TDP1: variants seen among roughly 807,000 people sequenced by gnomAD.
The protein encoded by TDP1 is tyr-DNA phosphodiesterase 1.
TDP1 carries 64 observed loss-of-function variants against 81.5 expected under a neutral mutation model. The observed-to-expected ratio is 0.79, with a 90% CI of 0.64 to 0.97. TDP1 has a LOEUF of 0.97. TDP1 is among the 50% of genes least tolerant of loss of function. TDP1 has a pLI of 0.00. For missense variants in TDP1, 723 were observed against 743.8 expected (o/e 0.97, Z 0.33); for synonymous variants, 256 against 264.3 (o/e 0.97, Z 0.30).
At chr14:90,014,961 C>T (rs1005366748) in intron 14 of TDP1, among the ~76,000 whole-genome samples, 6 of 152,194 alleles carry the variant, frequency 3.9e-5, no homozygotes, top group Non-Finnish European at 7.3e-5. Flanking sequence ...AACAAGTACT[C>T]CACTCCCCAG....
chr14:89,971,039 T>C, intron 5 of TDP1, 136 bp from the exon 6 acceptor site: 1 of 705,926 alleles, frequency 1.4e-6, no homozygotes, highest in Non-Finnish European at 2.5e-6. Context: ...TTTCACCATG[T>C]TGGCCAGTCT....
chr14:89,955,117 AC>A (rs1457677298), upstream of TDP1: 1 of 159,396 alleles, frequency 6.3e-6, no homozygotes, highest in African/African-American at 2.4e-5. Context: ...AACAAGAAGA[AC>A]CAAACGAAAA....
chr14:90,017,621 C>T (rs1885468251), intron 14 of TDP1, among the ~76,000 whole-genome samples: 1 of 152,152 alleles, frequency 6.6e-6, no homozygotes, highest in Non-Finnish European at 1.5e-5. Flanking sequence ...TACCTCCCGT[C>T]TTTGTTGTCA....
At chr14:90,003,658 C>T (rs955552989) in intron 14 of TDP1, among the ~76,000 whole-genome samples, 2 of 152,134 alleles carry the variant, frequency 1.3e-5, no homozygotes, top group African/African-American at 4.8e-5. Flanking sequence ...TGTGGGTGGT[C>T]AGAAGCAAGG....
intron 6 of TDP1, among the ~76,000 whole-genome samples, chr14:89,975,107 G>T (rs368248669): frequency 6.6e-6 from 1 of 152,090 alleles, no homozygotes; most frequent in Non-Finnish European, 1.5e-5. Context: ...ACGGAGTCTC[G>T]CTCTGTCACC....
chr14:90,015,943 C>T (rs1216991709), intron 14 of TDP1, among the ~76,000 whole-genome samples: 1 of 152,194 alleles, frequency 6.6e-6, no homozygotes, highest in Non-Finnish European at 1.5e-5. Context: ...TACCCTCAAC[C>T]ACAATTTCCA....
chr14:90,020,592 C>T (rs1353036564), intron 15 of TDP1, among the ~76,000 whole-genome samples: 10 of 29,330 alleles, frequency 3.4e-4, no homozygotes, highest in African/African-American at 1.8e-3. Context: ...CCCTCCCTCC[C>T]TCCCTCCCTC....
chr14:90,016,904 T>G (rs1385799624), intron 14 of TDP1, among the ~76,000 whole-genome samples: 1 of 152,032 alleles, frequency 6.6e-6, no homozygotes, highest in Non-Finnish European at 1.5e-5. Context: ...CTAAAGTAAA[T>G]TAAATACCCC....
chr14:90,019,245 C>G, intron 14 of TDP1, 71 bp from the exon 15 acceptor site: 3 of 1,311,454 alleles, frequency 2.3e-6, no homozygotes, highest in South Asian at 1.2e-5. Flanking sequence ...GGTGCTCTTG[C>G]AGCTGTGGAA....
chr14:89,989,520 A>G (rs962245945), intron 11 of TDP1, 197 bp from the exon 12 acceptor site: 1 of 782,280 alleles, frequency 1.3e-6, no homozygotes, highest in Non-Finnish European at 1.6e-6. Context: ...TTGAAGTATA[A>G]TTTTACATCA....
chr14:89,980,674 A>G (rs1414499602), intron 8 of TDP1, 42 bp downstream of exon 8: 22 of 1,495,446 alleles, frequency 1.5e-5, no homozygotes, highest in Non-Finnish European at 1.8e-5. Context: ...GTGTGTGTTG[A>G]TAAAGGTCAA....
In TDP1 at chr14:89,961,074, C is replaced by T. The variant is rs59468407; in HGVS notation, c.-7-2034C>T. 6.2e-3 allele frequency among the ~76,000 whole-genome samples: 943 copies of T among 152,266 alleles called. 11 individuals are homozygous for T. The highest frequency in any genetic ancestry group is 0.022 in the African/African-American group (916 of 41,544). ...TGGGTTGGCCAAGTATAGTATTCAA[C>T]AGGTGTGGGAGGAGCTATGAATATT... On this transcript the variant is annotated intron_variant, in intron 2 of 16. Coordinates refer to ENST00000335725, the MANE Select transcript of TDP1 (RefSeq NM_018319.4).
At chr14:90,022,641 G>A (rs1886216230) in intron 15 of TDP1, 1 of 532,900 alleles carries the variant, frequency 1.9e-6, no homozygotes, top group South Asian at 8.2e-5. Flanking sequence ...CGTCTTGTCA[G>A]TCTGTAAAAA....
chr14:90,005,887 T>C, intron 14 of TDP1, among the ~76,000 whole-genome samples: 1 of 152,208 alleles, frequency 6.6e-6, no homozygotes, highest in South Asian at 2.1e-4. Context: ...GAAAAGCACT[T>C]TTTTTATCCT....
chr14:89,991,784 A>G (rs1896209965), intron 12 of TDP1, 133 bp from the exon 13 acceptor site: 2 of 1,197,192 alleles, frequency 1.7e-6, no homozygotes, highest in East Asian at 2.6e-5. Context: ...TCAAATAACT[A>G]TTCTATAAGA....
rs931059674 is a variant in TDP1, at chr14:89,955,949, G to A, written c.-252G>A. The A allele has an allele frequency of 3.3e-5, 5 of 152,392 alleles. No individual in the cohort carries two copies. Among genetic ancestry groups the A allele is most frequent in the Non-Finnish European group, 7.3e-5 (5 of 68,166 alleles). 9.4% of individuals were successfully genotyped at this position (152,392 alleles called of 1,614,324 possible). A position where few individuals can be genotyped will look rare whatever the true frequency, so the allele number is the denominator to read the frequency against. ...GCCGAAGGGGCGGGATCCGAGGCAAGCGTTGGTTCTGTGCGCCTCAGGTAC... is the reference window on the plus strand; with the variant it reads ...GCCGAAGGGGCGGGATCCGAGGCAAACGTTGGTTCTGTGCGCCTCAGGTAC... On this transcript the variant is annotated 5_prime_UTR_variant, in exon 1 of 17. Transcript: ENST00000335725.
At chr14:90,042,857 C>T (rs762420690) in intron 16 of TDP1, 13 of 985,008 alleles carry the variant, frequency 1.3e-5, no homozygotes, top group South Asian at 9.4e-5. Flanking sequence ...CACAGCCAAA[C>T]CTTTTCATTC....
intron 16 of TDP1, among the ~76,000 whole-genome samples, chr14:90,038,730 T>G (rs1888064502): frequency 6.6e-6 from 1 of 152,010 alleles, no homozygotes; most frequent in Admixed American, 6.6e-5. Flanking sequence ...CCCAAGTACT[T>G]GGGTGGCTGA....
Position 90,018,341 on chromosome 14 carries a change from A to G in TDP1, c.1542-975A>G, listed in dbSNP as rs148789334. On this transcript the variant is annotated intron_variant, in intron 14 of 16. Transcript: ENST00000335725. Reference sequence around the variant, plus strand: ...ATGTTAGTCTCTGCCACATTCGCTTATAAAAAGAGTCTCTGAAGACGCCTC... The same window carrying G: ...ATGTTAGTCTCTGCCACATTCGCTTGTAAAAAGAGTCTCTGAAGACGCCTC... Among the ~76,000 whole-genome samples the G allele has an allele frequency of 7.2e-5, 11 of 152,352 alleles. No individual in the cohort carries two copies. In the East Asian group the frequency reaches 2.1e-3, roughly 29 times the overall value.
Sources: gnomAD v4.1 joint callset for allele counts (sites outside exome capture counted in the v4.1 genomes callset) on GRCh38, gnomAD v4.1.1 for gene constraint, MANE v1.5 for transcripts, NCBI Gene and HGNC (gene_info 2026-07-23, HGNC 2026-07-21) for gene names.